The following METTL15 variants were observed in gnomAD, a reference collection of about 807,000 sequenced individuals.
The protein encoded by METTL15 is methyltransferase 15, mitochondrial 12S rRNA N4-cytidine.
A neutral mutation model predicts 38.3 loss-of-function variants in METTL15; 34 were observed. The ratio of observed to expected loss-of-function variants is 0.89; its 90% CI spans 0.68 to 1.18. METTL15 has a LOEUF of 1.18. Ranked by LOEUF, METTL15 falls within the 50% of genes most tolerant of loss-of-function variation. The probability of loss-of-function intolerance (pLI) is 0.00; values close to 1 mark genes in which losing one functional copy is unlikely to be tolerated. For missense variants in METTL15, 438 were observed against 498.4 expected (o/e 0.88, Z 1.15); for synonymous variants, 162 against 170.9 (o/e 0.95, Z 0.41).
intron 4 of METTL15, among the ~76,000 whole-genome samples, chr11:28,281,474 A>G (rs1488009654): frequency 6.6e-6 from 1 of 152,102 alleles, no homozygotes; most frequent in Non-Finnish European, 1.5e-5. Flanking sequence ...ACCTGTTTTC[A>G]CTTTTCTTTG....
intron 6 of METTL15, chr11:28,327,696 A>G (rs1849683370): frequency 6.4e-6 from 1 of 156,090 alleles, no homozygotes; most frequent in Non-Finnish European, 1.4e-5. Flanking sequence ...GTAAGCCAAA[A>G]TGTCTAACAA....
At chr11:28,430,780 T>A in intron 6 of METTL15, among the ~76,000 whole-genome samples, 1 of 94,962 alleles carries the variant, frequency 1.1e-5, no homozygotes, top group East Asian at 3.5e-4. Context: ...GAGGGGCGCC[T>A]CTGCCCGGCC....
At chr11:28,293,714 T>C (rs550758507) in intron 5 of METTL15, among the ~76,000 whole-genome samples, 229 of 152,310 alleles carry the variant, frequency 1.5e-3, no homozygotes, top group Non-Finnish European at 2.4e-3. Flanking sequence ...CATTTGTTTG[T>C]ATCCTCTTTT....
At position 28,330,760 on chromosome 11, in the gene METTL15, G is replaced by A; in HGVS notation, c.1143G>A (p.Lys381=). The A allele has an allele frequency of 6.4e-7, 1 of 1,551,714 alleles. No homozygotes were observed. The highest frequency in any genetic ancestry group is 1.4e-5 in the African/African-American group (1 of 73,128). Residue 381 remains lysine (K), a synonymous_variant, in exon 7 of 7, where the codon AAG becomes AAA. Coordinates refer to ENST00000407364, the MANE Select transcript of METTL15 (RefSeq NM_001113528.2). The stretch of plus-strand genomic sequence containing the variant: ...TAATGTGGGAATTGATACACAAGAA[G>A]GTACTTAGTCCACAAGATCAGGATG... The part of the protein sequence containing the change: ...APLMWELIHK[K]VLSPQDQDVQ...
At chr11:28,501,058 C>T (rs1183880519) in intron 6 of METTL15, among the ~76,000 whole-genome samples, 4 of 152,160 alleles carry the variant, frequency 2.6e-5, no homozygotes, top group African/African-American at 9.7e-5. Flanking sequence ...TTCCCACTAT[C>T]CTGCCTTTTA....
intron 4 of METTL15, among the ~76,000 whole-genome samples, chr11:28,214,083 C>T (rs550687023): frequency 1.3e-5 from 2 of 152,222 alleles, no homozygotes; most frequent in East Asian, 3.9e-4. Context: ...CACTCTGTTG[C>T]CCAGGCTGGA....
At chr11:28,306,118 C>T (rs1270465583) in intron 6 of METTL15, among the ~76,000 whole-genome samples, 1 of 151,896 alleles carries the variant, frequency 6.6e-6, no homozygotes, top group Admixed American at 6.6e-5. Flanking sequence ...TTAGTGTAAC[C>T]ACGTACTCTA....
At chr11:28,479,845 C>T (rs544081024) in intron 6 of METTL15, among the ~76,000 whole-genome samples, 10 of 152,274 alleles carry the variant, frequency 6.6e-5, no homozygotes, top group Admixed American at 1.3e-4. Context: ...ATGTGCACTA[C>T]ACAGAATATG....
At chr11:28,290,014 A>G (rs1390166340) in intron 4 of METTL15, among the ~76,000 whole-genome samples, 192 bp from the exon 5 acceptor site, 2 of 152,130 alleles carry the variant, frequency 1.3e-5, no homozygotes, top group Non-Finnish European at 2.9e-5. Context: ...ATTACATTAA[A>G]CCAGCTCTGG....
chr11:28,482,258 T>G (rs986804507), intron 6 of METTL15, among the ~76,000 whole-genome samples: 1 of 152,208 alleles, frequency 6.6e-6, no homozygotes, highest in Non-Finnish European at 1.5e-5. Context: ...ACTTAAGCAA[T>G]TTATAGCCAA....
intron 4 of METTL15, among the ~76,000 whole-genome samples, chr11:28,263,329 A>AT (rs1855285048): frequency 6.6e-6 from 1 of 152,120 alleles, no homozygotes; most frequent in African/African-American, 2.4e-5. Flanking sequence ...TATTATTGGC[A>AT]TACCTTTTAC....
At chr11:28,205,973 A>G (rs1434487797) in intron 3 of METTL15, among the ~76,000 whole-genome samples, 17 of 143,562 alleles carry the variant, frequency 1.2e-4, no homozygotes, top group Admixed American at 1.2e-3. Flanking sequence ...TTTCTTGTAA[A>G]TTTGTTTGAG....
chr11:28,382,743 G>C (rs544300141), intron 5 of METTL15, among the ~76,000 whole-genome samples: 1 of 152,036 alleles, frequency 6.6e-6, no homozygotes, highest in African/African-American at 2.4e-5. Flanking sequence ...GCTGAGGCAG[G>C]AGAATTGCTT....
chr11:28,513,622 C>T (rs570683911), intron 6 of METTL15, among the ~76,000 whole-genome samples: 129 of 152,212 alleles, frequency 8.5e-4, no homozygotes, highest in African/African-American at 3.0e-3. Context: ...CTGAGAGCCC[C>T]GAACAGAGAT....
At chr11:28,228,089 A>G (rs181545617) in intron 4 of METTL15, among the ~76,000 whole-genome samples, 91 of 152,062 alleles carry the variant, frequency 6.0e-4, no homozygotes, top group Non-Finnish European at 1.1e-3. Flanking sequence ...GGAGACAAGG[A>G]ATAAGTTCAG....
At chr11:28,227,355 T>C (rs1387385878) in intron 4 of METTL15, among the ~76,000 whole-genome samples, 1 of 151,836 alleles carries the variant, frequency 6.6e-6, no homozygotes, top group African/African-American at 2.4e-5. Flanking sequence ...TATGAATGAG[T>C]AGCGTATGAT....
At chr11:28,352,920 G>T (rs1297523828) in intron 4 of METTL15, among the ~76,000 whole-genome samples, 1 of 152,186 alleles carries the variant, frequency 6.6e-6, no homozygotes, top group Non-Finnish European at 1.5e-5. Context: ...TCAGTTGCAT[G>T]ATACGGAAAA....
downstream of METTL15, among the ~76,000 whole-genome samples, chr11:28,337,837 C>G (rs1475964218): frequency 6.6e-6 from 1 of 152,034 alleles, no homozygotes; most frequent in Non-Finnish European, 1.5e-5. Flanking sequence ...GAAGGCTATA[C>G]TATCTAGGTT....
At chr11:28,431,790 T>TAA (rs869087503) in intron 6 of METTL15, among the ~76,000 whole-genome samples, 3 of 71,454 alleles carry the variant, frequency 4.2e-5, no homozygotes, top group Non-Finnish European at 7.4e-5. Flanking sequence ...AAAATAAATT[T>TAA]AAAAAAAAAA....
Sources: allele counts gnomAD v4.1 joint callset (sites outside exome capture counted in the v4.1 genomes callset), GRCh38; gene constraint gnomAD v4.1.1; transcripts MANE v1.5; gene names NCBI Gene and HGNC (gene_info 2026-07-23, HGNC 2026-07-21).